The following KLHL4 variants were observed in gnomAD, a reference collection of about 807,000 sequenced individuals.
The protein encoded by KLHL4 is kelch-like protein 4.
In KLHL4, 17 loss-of-function variants were observed where a neutral mutation model predicts 45.8. That is an observed-to-expected ratio of 0.37 (90% CI 0.25 to 0.56). KLHL4 has a LOEUF of 0.56. Ranked by LOEUF, KLHL4 falls within the 20% of genes least tolerant of loss-of-function variation. The probability of loss-of-function intolerance (pLI) is 0.79; values close to 1 mark genes in which losing one functional copy is unlikely to be tolerated. For synonymous variants in KLHL4, 224 were observed against 189.9 expected (o/e 1.18, Z -1.47); for missense variants, 544 against 544.9 (o/e 1.00, Z 0.02).
At chrX:87,585,505 CT>C (rs1215035250) in intron 1 of KLHL4, among the ~76,000 whole-genome samples, 6 of 110,908 alleles carry the variant, frequency 5.4e-5, no homozygotes, top group Admixed American at 4.8e-4. Flanking sequence ...TATTAGTTTT[CT>C]TTTTGTTTGT....
At chrX:87,582,967 C>A (rs1373859377) in intron 1 of KLHL4, among the ~76,000 whole-genome samples, 1 of 111,279 alleles carries the variant, frequency 9.0e-6, no homozygotes, top group Non-Finnish European at 1.9e-5. Context: ...ATCATAGTGT[C>A]GTTTTTTTCA....
chrX:87,587,429 A>G (rs1921517446), intron 1 of KLHL4, among the ~76,000 whole-genome samples: 1 of 111,380 alleles, frequency 9.0e-6, no homozygotes, highest in South Asian at 3.7e-4. Flanking sequence ...TCAACAATAC[A>G]TTAGAAAAAA....
intron 1 of KLHL4, among the ~76,000 whole-genome samples, chrX:87,570,776 T>C (rs956392895): frequency 2.7e-5 from 3 of 111,079 alleles, no homozygotes; most frequent in African/African-American, 9.8e-5. Context: ...ATCATTTTAC[T>C]GGCAATGTGA....
At chrX:87,575,345 ACTC>A (rs1161833576) in intron 1 of KLHL4, among the ~76,000 whole-genome samples, 1 of 110,903 alleles carries the variant, frequency 9.0e-6, no homozygotes, top group African/African-American at 3.3e-5. Context: ...CAGGTTGTGC[ACTC>A]CTTATGAGAA....
At chrX:87,645,336 A>T (rs2147832734) in intron 9 of KLHL4, among the ~76,000 whole-genome samples, 1 of 112,222 alleles carries the variant, frequency 8.9e-6, no homozygotes, top group South Asian at 3.7e-4. Flanking sequence ...AATGCAAATC[A>T]AAACCACAAT....
intron 1 of KLHL4, among the ~76,000 whole-genome samples, chrX:87,543,699 G>A (rs899794091): frequency 2.7e-5 from 3 of 111,110 alleles, no homozygotes; most frequent in African/African-American, 9.8e-5. Context: ...TCAGTCCCAG[G>A]GGTCTGAACT....
intron 6 of KLHL4, among the ~76,000 whole-genome samples, chrX:87,631,787 C>T (rs763908162): frequency 9.0e-6 from 1 of 111,644 alleles, no homozygotes; most frequent in Non-Finnish European, 1.9e-5. Flanking sequence ...ACACACACAC[C>T]CAAAACAAAT....
intron 1 of KLHL4, among the ~76,000 whole-genome samples, chrX:87,527,869 A>G (rs1260301002): frequency 1.8e-5 from 2 of 110,107 alleles, no homozygotes; most frequent in Admixed American, 2.0e-4. Flanking sequence ...ACCTGAGCAC[A>G]CAAGAAACAC....
intron 4 of KLHL4, among the ~76,000 whole-genome samples, chrX:87,619,242 C>T (rs1922667114): frequency 1.8e-5 from 2 of 111,578 alleles, no homozygotes; most frequent in South Asian, 7.5e-4. Context: ...ATAAAAGTAG[C>T]ATTTTTTAGA....
At chrX:87,633,185 GA>G (rs778281657) in intron 7 of KLHL4, among the ~76,000 whole-genome samples, 2 of 111,061 alleles carry the variant, frequency 1.8e-5, no homozygotes, top group East Asian at 2.8e-4. Flanking sequence ...TGAAGGTGGG[GA>G]AAAAAACAAT....
chrX:87,631,079 T>A (rs1923080802), intron 6 of KLHL4, among the ~76,000 whole-genome samples: 1 of 111,637 alleles, frequency 9.0e-6, no homozygotes, highest in African/African-American at 3.3e-5. Context: ...AAAGACTGGT[T>A]AGGACCAGGT....
chrX:87,564,812 A>C (rs1178297308), intron 1 of KLHL4, among the ~76,000 whole-genome samples: 7 of 112,045 alleles, frequency 6.2e-5, no homozygotes, highest in Non-Finnish European at 9.4e-5. Context: ...ATAATCTGAC[A>C]AGACCAAATG....
At chrX:87,645,543 C>T (rs1923600771) in intron 9 of KLHL4, among the ~76,000 whole-genome samples, 1 of 111,605 alleles carries the variant, frequency 9.0e-6, no homozygotes, top group African/African-American at 3.3e-5. Context: ...AGCAATCCTA[C>T]TACTGGGCAT....
At chrX:87,528,107 A>C (rs974337886) in intron 1 of KLHL4, among the ~76,000 whole-genome samples, 3 of 111,599 alleles carry the variant, frequency 2.7e-5, no homozygotes, top group African/African-American at 9.8e-5. Flanking sequence ...AGGAAACTCA[A>C]CATGATACAA....
At position 87,667,707 on chromosome X, in the gene KLHL4, G is replaced by T. The variant is rs1602474605; in HGVS notation, c.*1173G>T. The T allele has an allele frequency of 1.5e-6, 1 of 665,995 alleles. No individual in the cohort carries two copies. The highest frequency in any genetic ancestry group is 9.0e-5 in the Admixed American group (1 of 11,165). The allele number at this position is 665,995 out of a possible 1,213,427, so 54.9% of individuals were successfully genotyped here. On this transcript the variant is annotated 3_prime_UTR_variant, in exon 11 of 11. Coordinates refer to ENST00000373119, the MANE Select transcript of KLHL4 (RefSeq NM_019117.5). ...AATTATACAACTAAGATGAAATATTGAAAAACCCTTTGTGAAAGTAACTTT... is the reference window on the plus strand; with the variant it reads ...AATTATACAACTAAGATGAAATATTTAAAAACCCTTTGTGAAAGTAACTTT...
At chrX:87,644,736 C>T (rs188897544) in intron 9 of KLHL4, among the ~76,000 whole-genome samples, 27 of 110,978 alleles carry the variant, frequency 2.4e-4, no homozygotes, top group African/African-American at 8.5e-4. Flanking sequence ...AATAGAGAAC[C>T]CAGAAATAAA....
Position 87,633,898 on chromosome X carries a change from G to T in KLHL4, c.1699G>T (p.Ala567Ser). The T allele has an allele frequency of 8.3e-7, 1 of 1,202,783 alleles. No individual in the cohort carries two copies. Among genetic ancestry groups the T allele is most frequent in the Non-Finnish European group, 1.1e-6 (1 of 891,091 alleles). Residue 567 changes from alanine to serine, a missense_variant, in exon 8 of 11, where the codon GCA (alanine) becomes TCA (serine). Ala to Ser is a moderately conservative substitution (Grantham distance 99, BLOSUM62 1). Transcript: ENST00000373119. ...TCCTAGAAGCACAGTTGGTGTTGTTGCATTAAACAACAAGTGAGTAAGTTG... is the reference window on the plus strand; with the variant it reads ...TCCTAGAAGCACAGTTGGTGTTGTTTCATTAAACAACAAGTGAGTAAGTTG... ...STPRSTVGVVALNNKLYAIGG... is the reference protein window; with the variant it reads ...STPRSTVGVVSLNNKLYAIGG...
chrX:87,643,776 C>T (rs1602460887), intron 9 of KLHL4, among the ~76,000 whole-genome samples: 1 of 111,658 alleles, frequency 9.0e-6, no homozygotes, highest in Non-Finnish European at 1.9e-5. Context: ...TGTGGTACAA[C>T]TCATAAAAAT....
rs1924503425 is a variant in KLHL4, at chrX:87,669,723, A to C, written c.*3189A>C. The C allele has an allele frequency of 6.1e-6, 1 of 163,559 alleles. No homozygotes were observed. The highest frequency in any genetic ancestry group is 1.2e-5 in the Non-Finnish European group (1 of 85,915). The allele number at this position is 163,559 out of a possible 1,213,427, so 13.5% of individuals were successfully genotyped here. On this transcript the variant is annotated 3_prime_UTR_variant, in exon 11 of 11. Transcript: ENST00000373119. Reference sequence around the variant, plus strand: ...TCAGTTGCTATTTCTCTTCGTAATGAATTTTCTTTACATCCTGTCCACACT... The same window carrying C: ...TCAGTTGCTATTTCTCTTCGTAATGCATTTTCTTTACATCCTGTCCACACT...
Sources: gnomAD v4.1 joint callset for allele counts (sites outside exome capture counted in the v4.1 genomes callset) on GRCh38, gnomAD v4.1.1 for gene constraint, MANE v1.5 for transcripts, NCBI Gene and HGNC (gene_info 2026-07-23, HGNC 2026-07-21) for gene names.